Variants in LPAR1 observed in about 807,000 individuals in gnomAD.
The protein encoded by LPAR1 is LPA receptor 1.
Under a neutral mutation model 23.8 loss-of-function variants are expected in LPAR1, and 5 were observed. The ratio of observed to expected loss-of-function variants is 0.21; its 90% confidence interval spans 0.11 to 0.44. LPAR1 has a LOEUF of 0.44. Among genes scored for constraint, LPAR1 ranks in the 20% least tolerant of loss-of-function variants. The pLI, the probability that LPAR1 is intolerant of heterozygous loss-of-function variation, is 0.99. For synonymous variants in LPAR1, 160 were observed against 164.7 expected (o/e 0.97, Z 0.22); for missense variants, 311 against 482.8 (o/e 0.64, Z 3.33).
chr9:110,907,531 T>G (rs1193825213), intron 5 of LPAR1, among the ~76,000 whole-genome samples: 1 of 152,116 alleles, frequency 6.6e-6, no homozygotes, highest in Non-Finnish European at 1.5e-5. Context: ...AACATCAGGG[T>G]CCAGTAAAGC....
chr9:110,904,872 A>C (rs1249234964), intron 5 of LPAR1, among the ~76,000 whole-genome samples: 2 of 152,224 alleles, frequency 1.3e-5, no homozygotes, highest in Non-Finnish European at 2.9e-5. Flanking sequence ...GAAAACTGTA[A>C]GAAAGTTCAC....
intron 5 of LPAR1, among the ~76,000 whole-genome samples, chr9:110,886,897 T>G (rs1366951920): frequency 6.6e-6 from 1 of 152,180 alleles, no homozygotes; most frequent in Admixed American, 6.5e-5. Flanking sequence ...CTAAACTAAT[T>G]GCATGACTGT....
At chr9:110,951,112 C>T (rs1324373927) in intron 4 of LPAR1, among the ~76,000 whole-genome samples, 3 of 152,016 alleles carry the variant, frequency 2.0e-5, no homozygotes, top group African/African-American at 7.2e-5. Flanking sequence ...GAGAAAATGA[C>T]GTATCTGTTC....
At chr9:110,928,602 G>A (rs182638247) in intron 5 of LPAR1, among the ~76,000 whole-genome samples, 3 of 152,160 alleles carry the variant, frequency 2.0e-5, no homozygotes, top group African/African-American at 4.8e-5. Flanking sequence ...TTATACACAC[G>A]CACACATACA....
intron 5 of LPAR1, among the ~76,000 whole-genome samples, chr9:110,940,640 A>G (rs949033240): frequency 2.6e-5 from 4 of 152,236 alleles, no homozygotes; most frequent in Admixed American, 6.5e-5. Flanking sequence ...TCCAAAGGAA[A>G]TGTCTGTATC....
chr9:111,032,455 G>A (rs756446509), intron 2 of LPAR1, among the ~76,000 whole-genome samples: 2 of 152,078 alleles, frequency 1.3e-5, no homozygotes, highest in Non-Finnish European at 2.9e-5. Context: ...TGGAGGGTGG[G>A]AATCCTGCCT....
intron 5 of LPAR1, among the ~76,000 whole-genome samples, chr9:110,917,214 T>C (rs941987922): frequency 1.3e-5 from 2 of 148,582 alleles, no homozygotes; most frequent in African/African-American, 4.9e-5. Context: ...CCAGGCATGG[T>C]GGTACATGCC....
intron 5 of LPAR1, among the ~76,000 whole-genome samples, chr9:110,917,445 G>C (rs1420607334): frequency 6.6e-6 from 1 of 152,154 alleles, no homozygotes; most frequent in Non-Finnish European, 1.5e-5. Context: ...CCTGATTCTT[G>C]AGGGAGCCAA....
chr9:111,035,462 G>A (rs377402175), intron 2 of LPAR1, among the ~76,000 whole-genome samples: 29 of 152,034 alleles, frequency 1.9e-4, no homozygotes, highest in African/African-American at 6.3e-4. Flanking sequence ...GGCTTCAAGC[G>A]ATCGTCCTGC....
chr9:110,950,689 T>A (rs1470143623), intron 4 of LPAR1, among the ~76,000 whole-genome samples: 1 of 152,004 alleles, frequency 6.6e-6, no homozygotes, highest in Non-Finnish European at 1.5e-5. Flanking sequence ...ACATTTACAG[T>A]AACAAGAGCT....
chr9:111,000,691 A>G (rs888643687), intron 2 of LPAR1, among the ~76,000 whole-genome samples: 4 of 152,218 alleles, frequency 2.6e-5, no homozygotes, highest in African/African-American at 9.6e-5. Context: ...GTCTAGGCCC[A>G]CACTGTCCAA....
chr9:110,998,094 A>G (rs998167838), intron 2 of LPAR1, among the ~76,000 whole-genome samples: 5 of 152,202 alleles, frequency 3.3e-5, no homozygotes, highest in African/African-American at 1.2e-4. Flanking sequence ...ATTTATTAAC[A>G]AATCTCCAAG....
intron 2 of LPAR1, among the ~76,000 whole-genome samples, chr9:110,988,095 A>G (rs1162797789): frequency 2.8e-5 from 2 of 71,288 alleles, no homozygotes; most frequent in East Asian, 4.6e-4. Flanking sequence ...AATAATGGGA[A>G]GTGGGGGAAC....
chr9:110,978,647 C>G, intron 2 of LPAR1, among the ~76,000 whole-genome samples: 1 of 152,152 alleles, frequency 6.6e-6, no homozygotes, highest in African/African-American at 2.4e-5. Flanking sequence ...CAGTTCAGAG[C>G]TGAAGCTTGT....
At chr9:110,931,878 T>A (rs1212773972) in intron 5 of LPAR1, among the ~76,000 whole-genome samples, 7 of 152,230 alleles carry the variant, frequency 4.6e-5, no homozygotes, top group Non-Finnish European at 7.3e-5. Flanking sequence ...TCCATTGGTC[T>A]ATATCTCTGT....
intron 4 of LPAR1, among the ~76,000 whole-genome samples, chr9:110,963,454 CG>C (rs1269871823): frequency 6.6e-6 from 1 of 152,172 alleles, no homozygotes; most frequent in Non-Finnish European, 1.5e-5. Context: ...GTTTATCCAA[CG>C]TGGCCTTCCT....
chr9:111,037,738 G>A (rs2141920203), intron 1 of LPAR1: 1 of 152,330 alleles, frequency 6.6e-6, no homozygotes, highest in African/African-American at 2.4e-5. Flanking sequence ...GAGGTTTTGG[G>A]AGAATTTCGA....
intron 5 of LPAR1, among the ~76,000 whole-genome samples, chr9:110,893,209 G>GT (rs2085115099): frequency 6.6e-6 from 1 of 152,148 alleles, no homozygotes; most frequent in South Asian, 2.1e-4. Context: ...CTATCTAAAT[G>GT]TACAATGTCC....
intron 5 of LPAR1, among the ~76,000 whole-genome samples, chr9:110,924,204 A>G (rs1190870240): frequency 1.3e-5 from 2 of 150,604 alleles, no homozygotes; most frequent in African/African-American, 2.4e-5. Flanking sequence ...GGAAGGAATC[A>G]TAAGAGATAT....
Sources: allele counts gnomAD v4.1 joint callset (sites outside exome capture counted in the v4.1 genomes callset), GRCh38; gene constraint gnomAD v4.1.1; transcripts MANE v1.5; gene names NCBI Gene and HGNC (gene_info 2026-07-23, HGNC 2026-07-21).